Variants in IPMK observed in about 807,000 individuals in gnomAD.
IPMK encodes inositol 1,3,4,6-tetrakisphosphate 5-kinase.
IPMK carries 17 observed loss-of-function variants against 45.8 expected under a neutral mutation model. The ratio of observed to expected loss-of-function variants is 0.37; its 90% CI spans 0.25 to 0.56. The LOEUF is 0.56. IPMK is among the 20% of genes least tolerant of loss of function. IPMK has a pLI of 0.79. For synonymous variants in IPMK, 180 were observed against 184.3 expected, an observed-to-expected ratio of 0.98 and a Z score of 0.19; for missense variants, 399 against 498.0, an observed-to-expected ratio of 0.80 and a Z score of 1.89.
chr10:58,196,804 G>A (rs2132140482), intron 5 of IPMK, 106 bp from the exon 6 acceptor site: 1 of 750,782 alleles, frequency 1.3e-6, no homozygotes, highest in Admixed American at 3.2e-5. Flanking sequence ...TCATCCCTTA[G>A]AATTAAGTGA....
chr10:58,256,545 C>T (rs956762525), intron 1 of IPMK, among the ~76,000 whole-genome samples: 6 of 152,196 alleles, frequency 3.9e-5, no homozygotes, highest in African/African-American at 1.2e-4. Context: ...TGATCTTGCT[C>T]TGCCCTTCTG....
chr10:58,254,900 T>C (rs566403113), intron 1 of IPMK, among the ~76,000 whole-genome samples: 4 of 152,268 alleles, frequency 2.6e-5, no homozygotes, highest in Non-Finnish European at 5.9e-5. Flanking sequence ...CCTGCCATTG[T>C]TTCCCAATCC....
At chr10:58,245,761 T>C (rs1324321343) in intron 1 of IPMK, among the ~76,000 whole-genome samples, 1 of 151,202 alleles carries the variant, frequency 6.6e-6, no homozygotes, top group Non-Finnish European at 1.5e-5. Context: ...GGATGCCCTC[T>C]CTCACCACTC....
At position 58,246,428 on chromosome 10, in the gene IPMK, A is replaced by G. The variant is rs1462459762; in HGVS notation, c.191-8614T>C. On this transcript the variant is annotated intron_variant, in intron 1 of 5. Coordinates refer to ENST00000373935, the MANE Select transcript of IPMK (RefSeq NM_152230.5). ...ATACTACAAGGCTACAGTAACCAAA[A>G]CAGCATGGTACTGGTACCAAAACAC... Among the ~76,000 whole-genome samples the G allele has an allele frequency of 2.9e-5, 4 of 139,300 alleles. No homozygotes were observed. In the East Asian group the frequency reaches 8.7e-4, roughly 30 times the overall value. 91.4% of individuals were successfully genotyped at this position (139,300 alleles called of 152,430 possible). A position where few individuals can be genotyped will look rare whatever the true frequency, so the allele number is the denominator to read the frequency against.
chr10:58,251,801 C>T (rs1564539752), intron 1 of IPMK, among the ~76,000 whole-genome samples: 1 of 152,194 alleles, frequency 6.6e-6, no homozygotes, highest in Non-Finnish European at 1.5e-5. Context: ...CATAGCTACT[C>T]CAGCTCTCTT....
At chr10:58,231,494 A>C (rs1838520093) in intron 2 of IPMK, among the ~76,000 whole-genome samples, 1 of 152,176 alleles carries the variant, frequency 6.6e-6, no homozygotes, top group Non-Finnish European at 1.5e-5. Flanking sequence ...CAGAAACCCT[A>C]AAGCCAGAAG....
chr10:58,208,897 A>G (rs1281268688), intron 4 of IPMK, among the ~76,000 whole-genome samples: 1 of 152,198 alleles, frequency 6.6e-6, no homozygotes, highest in African/African-American at 2.4e-5. Context: ...AGCCTTGATG[A>G]GGGTAGCTGG....
chr10:58,249,877 C>T (rs1021082837), intron 1 of IPMK, among the ~76,000 whole-genome samples: 1 of 152,118 alleles, frequency 6.6e-6, no homozygotes, highest in Non-Finnish European at 1.5e-5. Flanking sequence ...GTAAGGGATA[C>T]AGATCTAGTT....
chr10:58,196,981 A>G (rs1188628036), intron 5 of IPMK, among the ~76,000 whole-genome samples: 2 of 152,208 alleles, frequency 1.3e-5, no homozygotes, highest in Admixed American at 6.5e-5. Context: ...CTGGTAGTTT[A>G]CTTCTCTCAC....
chr10:58,218,057 T>C (rs1838275502), intron 3 of IPMK, among the ~76,000 whole-genome samples: 3 of 152,200 alleles, frequency 2.0e-5, no homozygotes, highest in Admixed American at 2.0e-4. Flanking sequence ...GGACAAGAGA[T>C]ACTTTTTATG....
chr10:58,244,201 G>C (rs1421939818), intron 1 of IPMK, among the ~76,000 whole-genome samples: 2 of 146,806 alleles, frequency 1.4e-5, no homozygotes, highest in East Asian at 2.1e-4. Context: ...GCCTCTGCCC[G>C]GCCGCCCCAC....
At chr10:58,265,757 G>A (rs925594253) in intron 1 of IPMK, among the ~76,000 whole-genome samples, 2 of 152,220 alleles carry the variant, frequency 1.3e-5, no homozygotes, top group African/African-American at 4.8e-5. Context: ...TAGGCAATTT[G>A]GGTGACAAAT....
At chr10:58,211,049 G>T (rs1342971858) in intron 4 of IPMK, among the ~76,000 whole-genome samples, 1 of 152,160 alleles carries the variant, frequency 6.6e-6, no homozygotes, top group African/African-American at 2.4e-5. Context: ...ACAATGTTTA[G>T]AGAAAGAATT....
In IPMK at chr10:58,267,778, G is replaced by A. The variant is rs1839176709; in HGVS notation, c.-167C>T. 42 of 560,376 alleles carry A rather than the reference G, an allele frequency of 7.5e-5. No homozygotes were observed. The East Asian group carries it at 1.4e-3, about 18-fold the overall frequency. The allele number at this position is 560,376 out of a possible 1,614,324, so 34.7% of individuals were successfully genotyped here. A position where few individuals can be genotyped will look rare whatever the true frequency, so the allele number is the denominator to read the frequency against. On this transcript the variant is annotated 5_prime_UTR_variant, in exon 1 of 6. Coordinates refer to ENST00000373935, the MANE Select transcript of IPMK (RefSeq NM_152230.5). The stretch of plus-strand genomic sequence containing the variant: ...GGGGAGGGGGCCCATGACGCCGCCG[G>A]GGCGCGGGCGCTCCTCTGCCCAACT...
chr10:58,243,434 A>G (rs1009392321), intron 1 of IPMK, among the ~76,000 whole-genome samples: 4 of 152,158 alleles, frequency 2.6e-5, no homozygotes, highest in Non-Finnish European at 5.9e-5. Context: ...TACTGCCATG[A>G]TATCAGCTTG....
chr10:58,226,039 T>C (rs1838410234), intron 3 of IPMK, among the ~76,000 whole-genome samples: 3 of 152,178 alleles, frequency 2.0e-5, no homozygotes, highest in Non-Finnish European at 2.9e-5. Context: ...AGACAGTTAA[T>C]AGAGCTTTGG....
At chr10:58,254,833 GA>G (rs1325361205) in intron 1 of IPMK, among the ~76,000 whole-genome samples, 2 of 152,154 alleles carry the variant, frequency 1.3e-5, no homozygotes. Context: ...CCTGTTCTGG[GA>G]GAAGACTTAT....
intron 4 of IPMK, among the ~76,000 whole-genome samples, chr10:58,200,374 C>T (rs1008135014): frequency 6.6e-6 from 1 of 152,100 alleles, no homozygotes; most frequent in African/African-American, 2.4e-5. Flanking sequence ...CCGCCTCAGC[C>T]TCTCAAAGTG....
intron 4 of IPMK, among the ~76,000 whole-genome samples, chr10:58,213,814 T>C (rs1476369178): frequency 6.6e-6 from 1 of 150,662 alleles, no homozygotes; most frequent in Non-Finnish European, 1.5e-5. Flanking sequence ...TCAAGGAGGG[T>C]GTGGCTGGCA....
Sources: gnomAD v4.1 joint callset for allele counts (sites outside exome capture counted in the v4.1 genomes callset) on GRCh38, gnomAD v4.1.1 for gene constraint, MANE v1.5 for transcripts, NCBI Gene and HGNC (gene_info 2026-07-23, HGNC 2026-07-21) for gene names.